Variants in ATRX observed in about 807,000 individuals in gnomAD.
The protein encoded by ATRX is chromatin remodeler ATRX.
ATRX carries 12 observed loss-of-function variants against 172.6 expected under a neutral mutation model. The observed-to-expected ratio is 0.07, with a 90% CI of 0.04 to 0.11. The LOEUF is 0.11. ATRX is among the 10% of genes least tolerant of loss of function. The pLI is 1.00. For synonymous variants in ATRX, 674 were observed against 594.7 expected, an observed-to-expected ratio of 1.13 and a Z score of -1.94; for missense variants, 1,368 against 1,767.4, an observed-to-expected ratio of 0.77 and a Z score of 4.05.
chrX:77,700,359 G>A (rs2072435019), intron 2 of ATRX, among the ~76,000 whole-genome samples: 1 of 111,784 alleles, frequency 8.9e-6, no homozygotes, highest in Admixed American at 9.5e-5. Flanking sequence ...AGCATATGGA[G>A]CAAAAGAAAC....
intron 10 of ATRX, among the ~76,000 whole-genome samples, chrX:77,665,523 A>C (rs1348683409): frequency 1.8e-5 from 2 of 111,841 alleles, no homozygotes; most frequent in Non-Finnish European, 3.8e-5. Context: ...GATGCTCCTC[A>C]AAGACCAATT....
intron 1 of ATRX, among the ~76,000 whole-genome samples, chrX:77,766,153 A>G (rs2075912527): frequency 8.9e-6 from 1 of 112,147 alleles, no homozygotes; most frequent in South Asian, 3.7e-4. Flanking sequence ...CCCCCTTTCT[A>G]TTCCACAAAA....
chrX:77,611,584 A>G (rs1388756637), intron 22 of ATRX, among the ~76,000 whole-genome samples: 2 of 111,361 alleles, frequency 1.8e-5, no homozygotes, highest in African/African-American at 6.5e-5. Context: ...TCATGCAAGC[A>G]TGGTGGCTCA....
chrX:77,678,238 GAC>G (rs1557134933), intron 9 of ATRX, among the ~76,000 whole-genome samples: 76 of 33,436 alleles, frequency 2.3e-3, no homozygotes, highest in Middle Eastern at 0.016. Context: ...AAAAAAAAGA[GAC>G]AGACAGAGAG....
At chrX:77,696,815 A>G in intron 4 of ATRX, 111 bp from the exon 5 acceptor site, 1 of 778,458 alleles carries the variant, frequency 1.3e-6, no homozygotes, top group Non-Finnish European at 1.9e-6. Context: ...ACAAGGAAGC[A>G]CATCAGAATC....
intron 1 of ATRX, among the ~76,000 whole-genome samples, chrX:77,744,824 C>T (rs782438696): frequency 2.7e-5 from 3 of 110,416 alleles, no homozygotes; most frequent in South Asian, 3.9e-4. Context: ...CCCATCTCTA[C>T]GAACAATTAA....
chrX:77,682,759 C>T lies in ATRX; in HGVS notation c.2497G>A (p.Ala833Thr), dbSNP rs2148596094. The T allele has an allele frequency of 1.7e-6, 2 of 1,210,523 alleles. No homozygotes were observed. The highest frequency in any genetic ancestry group is 2.2e-5 in the Admixed American group (1 of 45,928). The change falls in exon 9 of 35, where the codon GCT (alanine) becomes ACT (threonine). Residue 833 changes from alanine to threonine, a missense_variant. Ala to Thr is a moderately conservative substitution (Grantham distance 58). Coordinates refer to ENST00000373344, the MANE Select transcript of ATRX (RefSeq NM_000489.6). ...KEIKSMSKIG[A>T]ARTTKKRIPN... ...ATTCTTTTTTTGGTGGTTCTGGCAGCACCAATTTTACTCATGCTCTTTATC... is the reference window on the plus strand; with the variant it reads ...ATTCTTTTTTTGGTGGTTCTGGCAGTACCAATTTTACTCATGCTCTTTATC...
chrX:77,532,388 T>C (rs2063606113), intron 30 of ATRX, among the ~76,000 whole-genome samples: 1 of 111,639 alleles, frequency 9.0e-6, no homozygotes, highest in Non-Finnish European at 1.9e-5. Flanking sequence ...ATTTTATCTA[T>C]ACCACAAGCC....
At position 77,684,521 on chromosome X, in the gene ATRX, T is replaced by C. The variant is rs2071444723; in HGVS notation, c.735A>G (p.Leu245=). The stretch of plus-strand genomic sequence containing the variant: ...ACAACTCCTTTCGACCAAGGTTGCG[T>C]AGAATGCATTTCTTGCAGAAAGCAT... ...CHNAFCKKCI[L]RNLGRKELST... The change falls in exon 9 of 35, where the codon CTA becomes CTG. Residue 245 remains leucine (L), a synonymous_variant. Coordinates refer to ENST00000373344, the MANE Select transcript of ATRX (RefSeq NM_000489.6). The C allele has an allele frequency of 1.7e-6, 2 of 1,210,744 alleles. No individual in the cohort carries two copies. The highest frequency in any genetic ancestry group is 2.2e-6 in the Non-Finnish European group (2 of 894,867).
chrX:77,641,174 GA>G (rs1458611480), intron 15 of ATRX, among the ~76,000 whole-genome samples: 1 of 110,233 alleles, frequency 9.1e-6, no homozygotes, highest in African/African-American at 3.3e-5. Flanking sequence ...TTGTCAAGAA[GA>G]AAAAAAATAT....
At chrX:77,550,329 C>T (rs782773738) in intron 30 of ATRX, among the ~76,000 whole-genome samples, 23 of 111,999 alleles carry the variant, frequency 2.1e-4, no homozygotes, top group African/African-American at 5.8e-4. Context: ...AATCAATAAA[C>T]GTAATCCAGC....
At chrX:77,739,904 T>A (rs1481936622) in intron 1 of ATRX, among the ~76,000 whole-genome samples, 2 of 106,869 alleles carry the variant, frequency 1.9e-5, no homozygotes, top group Non-Finnish European at 3.9e-5. Flanking sequence ...ATAAAAAAAA[T>A]TAGCCAGATA....
intron 15 of ATRX, among the ~76,000 whole-genome samples, chrX:77,638,722 T>C (rs935518626): frequency 1.2e-4 from 13 of 112,707 alleles, no homozygotes; most frequent in Non-Finnish European, 1.5e-4. Flanking sequence ...TGAATAGATA[T>C]TGTACTTACA....
intron 9 of ATRX, among the ~76,000 whole-genome samples, chrX:77,678,614 G>A (rs1270713756): frequency 9.0e-6 from 1 of 111,191 alleles, no homozygotes; most frequent in Admixed American, 9.5e-5. Flanking sequence ...AGCCTCCCAA[G>A]TAGCTGGGAT....
chrX:77,748,592 ATTTTTT>A (rs1166210952), intron 1 of ATRX, among the ~76,000 whole-genome samples: 2 of 106,796 alleles, frequency 1.9e-5, no homozygotes, highest in African/African-American at 3.4e-5. Flanking sequence ...TTTTATTTTT[ATTTTTT>A]TTTTTGGAGA....
Position 77,593,722 on chromosome X carries a change from T to C in ATRX, c.6084A>G (p.Arg2028=). Residue 2028 remains arginine (R), a synonymous_variant, in exon 26 of 35, where the codon CGA becomes CGG. Coordinates refer to ENST00000373344, the MANE Select transcript of ATRX (RefSeq NM_000489.6). ...GKMVLLFEIL[R]MAEEIGDKVL... ...CTTTATCCCCAATTTCCTCTGCCATTCGAAGAATTTCAAAGAGAAGTACCA... is the reference window on the plus strand; with the variant it reads ...CTTTATCCCCAATTTCCTCTGCCATCCGAAGAATTTCAAAGAGAAGTACCA... 8.3e-7 allele frequency: 1 copy of C among 1,210,861 alleles called. No homozygotes were observed. The highest frequency in any genetic ancestry group is 3.0e-5 in the East Asian group (1 of 33,826).
chrX:77,667,145 T>A (rs2070288362), intron 10 of ATRX, among the ~76,000 whole-genome samples: 1 of 110,958 alleles, frequency 9.0e-6, no homozygotes, highest in African/African-American at 3.3e-5. Flanking sequence ...AAATAAAATG[T>A]TAGCAGCAAA....
At chrX:77,523,526 T>C (rs1469743299) in intron 30 of ATRX, 125 bp from the exon 31 acceptor site, 2 of 667,298 alleles carry the variant, frequency 3.0e-6, no homozygotes, top group South Asian at 3.0e-5. Context: ...TTCTGATATA[T>C]ATGACAGATT....
chrX:77,636,989 G>A (rs868937198), intron 15 of ATRX, among the ~76,000 whole-genome samples: 1 of 92,483 alleles, frequency 1.1e-5, no homozygotes, highest in Non-Finnish European at 2.0e-5. Context: ...GGAAGAAGAA[G>A]GAAGGAGGAG....
Sources: gnomAD v4.1 joint callset for allele counts (sites outside exome capture counted in the v4.1 genomes callset) on GRCh38, gnomAD v4.1.1 for gene constraint, MANE v1.5 for transcripts, NCBI Gene and HGNC (gene_info 2026-07-23, HGNC 2026-07-21) for gene names.